FLNB: variants seen among roughly 807,000 people sequenced by gnomAD.
FLNB encodes the protein filamin B.
Under a neutral mutation model 250.6 loss-of-function variants are expected in FLNB, and 111 were observed. The ratio of observed to expected loss-of-function variants is 0.44; its 90% CI spans 0.38 to 0.52. FLNB has a LOEUF of 0.52. FLNB is among the 20% of genes least tolerant of loss of function. FLNB has a pLI of 0.00. For synonymous variants in FLNB, 1,302 were observed against 1,372.1 expected (o/e 0.95, Z 1.13); for missense variants, 2,869 against 3,447.8 (o/e 0.83, Z 4.20).
chr3:58,034,268 C>T (rs1718483), intron 1 of FLNB, among the ~76,000 whole-genome samples: 114,007 of 152,152 alleles, frequency 0.75, 43,733 homozygotes, highest in East Asian at 0.95. Context: ...CATAGGTGTA[C>T]GTTTAACTGT....
At chr3:58,031,336 G>T (rs2097130651) in intron 1 of FLNB, among the ~76,000 whole-genome samples, 1 of 151,706 alleles carries the variant, frequency 6.6e-6, no homozygotes, top group African/African-American at 2.4e-5. Flanking sequence ...TCCGCCTCCC[G>T]GGTTCGCGCC....
chr3:58,120,053 C>T (rs1190544869), intron 19 of FLNB, among the ~76,000 whole-genome samples: 2 of 152,226 alleles, frequency 1.3e-5, no homozygotes, highest in African/African-American at 2.4e-5. Flanking sequence ...TGCATACCCC[C>T]AGGACGGGGC....
intron 1 of FLNB, among the ~76,000 whole-genome samples, chr3:58,038,709 C>T (rs2097141675): frequency 2.0e-5 from 3 of 151,832 alleles, no homozygotes; most frequent in South Asian, 2.1e-4. Context: ...ATTACAGGAG[C>T]GAGCCACTGT....
At chr3:58,148,179 G>T in intron 34 of FLNB, 27 bp from the exon 35 acceptor site, 1 of 1,613,960 alleles carries the variant, frequency 6.2e-7, no homozygotes. Context: ...CATGTAACGG[G>T]AGTCCTTTTT....
intron 1 of FLNB, among the ~76,000 whole-genome samples, chr3:58,052,607 T>A (rs1350549768): frequency 6.6e-6 from 1 of 152,156 alleles, no homozygotes; most frequent in Non-Finnish European, 1.5e-5. Context: ...TTCCAGACTT[T>A]AGTGTGCCGT....
chr3:58,012,209 CAAAAAAAA>C (rs10608167), intron 1 of FLNB, among the ~76,000 whole-genome samples: 1 of 106,028 alleles, frequency 9.4e-6, no homozygotes, highest in Non-Finnish European at 1.9e-5. Flanking sequence ...GACTCTGACT[CAAAAAAAA>C]AAAAAAAAAA....
At chr3:58,150,443 C>G (rs994219621) in intron 38 of FLNB, 4 of 606,128 alleles carry the variant, frequency 6.6e-6, no homozygotes, top group Non-Finnish European at 8.7e-6. Context: ...TACCTTTTTC[C>G]TCTTCCAAAT....
At chr3:58,045,115 G>A (rs564794953) in intron 1 of FLNB, among the ~76,000 whole-genome samples, 1 of 152,304 alleles carries the variant, frequency 6.6e-6, no homozygotes, top group African/African-American at 2.4e-5. Context: ...TCTATTAGGT[G>A]TAAAAGACCC....
intron 10 of FLNB, 61 bp from the exon 11 acceptor site, chr3:58,105,019 T>C: frequency 6.2e-7 from 1 of 1,605,644 alleles, no homozygotes; most frequent in Non-Finnish European, 8.5e-7. Context: ...CTGCAGCTTA[T>C]GGCTATAGTG....
Position 58,135,961 on chromosome 3 carries a change from T to G in FLNB, c.4672-18T>G. On this transcript the variant is annotated intron_variant, in intron 27 of 45. Coordinates refer to ENST00000295956, the MANE Select transcript of FLNB (RefSeq NM_001457.4). The stretch of plus-strand genomic sequence containing the variant: ...CATCTTGACAACATCCTAAATAGCA[T>G]TTCTCTATGATCCACAGGACCAAGA... The G allele has an allele frequency of 6.2e-7, 1 of 1,613,400 alleles. No individual in the cohort carries two copies. Among genetic ancestry groups the G allele is most frequent in the South Asian group, 1.1e-5 (1 of 90,850 alleles).
At chr3:58,051,516 C>T (rs1175548610) in intron 1 of FLNB, among the ~76,000 whole-genome samples, 1 of 152,072 alleles carries the variant, frequency 6.6e-6, no homozygotes, top group African/African-American at 2.4e-5. Flanking sequence ...GATAAAGGGT[C>T]GTCGTCTTGA....
In FLNB at chr3:58,110,126, C is replaced by T; in HGVS notation, c.2440C>T (p.Pro814Ser). The T allele has an allele frequency of 1.2e-6, 2 of 1,614,162 alleles. No homozygotes were observed. The highest frequency in any genetic ancestry group is 1.7e-6 in the Non-Finnish European group (2 of 1,180,030). ...TACGTTCACAGTCAAATATGTGCCT[C>T]CTGCTGCTGGGCGATACACTATCAA... ...NDTFTVKYVP[P>S]AAGRYTIKVL... The change falls in exon 16 of 46, where the codon CCT becomes TCT. Residue 814 changes from proline to serine, a missense_variant. Physicochemically the swap from Pro to Ser is moderately conservative, Grantham distance 74. Transcript: ENST00000295956.
intron 1 of FLNB, among the ~76,000 whole-genome samples, chr3:58,025,917 T>C (rs1466956198): frequency 6.6e-6 from 1 of 152,176 alleles, no homozygotes; most frequent in African/African-American, 2.4e-5. Context: ...CAGAGCGAGA[T>C]TGTCTCAAAC....
chr3:58,103,268 GT>G (rs1451356758), intron 9 of FLNB, among the ~76,000 whole-genome samples: 3 of 66,388 alleles, frequency 4.5e-5, no homozygotes, highest in African/African-American at 1.5e-4. Flanking sequence ...CAAGGAGGGT[GT>G]GTGTGTGTGT....
At chr3:58,027,088 A>G (rs945244583) in intron 1 of FLNB, among the ~76,000 whole-genome samples, 2 of 152,010 alleles carry the variant, frequency 1.3e-5, no homozygotes, top group African/African-American at 2.4e-5. Flanking sequence ...TTTCTGGGAA[A>G]GGTGTAGGAC....
In FLNB at chr3:58,134,626, G is replaced by T. The variant is rs1200583615; in HGVS notation, c.4525G>T (p.Val1509Phe). The change falls in exon 27 of 46, where the codon GTC (valine) becomes TTC (phenylalanine). Residue 1509 changes from valine (V) to phenylalanine (F), a missense_variant. By Grantham distance (50) the Val-to-Phe change is conservative. Around this residue, in one of 5 missense-constraint regions of FLNB, gnomAD observed 126 missense variants for 182.0 expected, o/e 0.69. Transcript: ENST00000295956. ...TGTGTGTCTATCAAGTCCCTTCAAG[G>T]TCAAGGTCCTTCCCACATATGATGC... is the stretch of plus-strand genomic sequence containing the variant. ...DEEIPRSPFK[V>F]KVLPTYDASK... 6.2e-7 allele frequency: 1 copy of T among 1,614,030 alleles called. No individual in the cohort carries two copies. Among genetic ancestry groups the T allele is most frequent in the South Asian group, 1.1e-5 (1 of 91,068 alleles).
chr3:58,095,067 T>C, intron 5 of FLNB, 113 bp downstream of exon 5: 2 of 891,724 alleles, frequency 2.2e-6, no homozygotes, highest in South Asian at 1.3e-5. Context: ...CCAAAAGTGT[T>C]TTTTACCAAA....
chr3:58,113,081 G>C (rs909614625), intron 18 of FLNB, among the ~76,000 whole-genome samples: 2 of 152,174 alleles, frequency 1.3e-5, no homozygotes, highest in Non-Finnish European at 2.9e-5. Context: ...CCATTTTTAA[G>C]TGTATAGTTC....
chr3:58,016,484 A>T (rs1576587198), intron 1 of FLNB, among the ~76,000 whole-genome samples: 1 of 148,708 alleles, frequency 6.7e-6, no homozygotes, highest in African/African-American at 2.5e-5. Flanking sequence ...ATATATATTT[A>T]TATATGTATT....
Sources: gnomAD v4.1 joint callset for allele counts (sites outside exome capture counted in the v4.1 genomes callset) on GRCh38, gnomAD v4.1.1 for gene constraint, gnomAD v4.1.1 regional missense constraint, MANE v1.5 for transcripts, NCBI Gene and HGNC (gene_info 2026-07-23, HGNC 2026-07-21) for gene names.